ITPR1: variants seen among roughly 807,000 people sequenced by gnomAD.
ITPR1 encodes inositol 1,4,5-trisphosphate-gated calcium channel ITPR1.
In ITPR1, 96 loss-of-function variants were observed where a neutral mutation model predicts 318.4. The ratio of observed to expected loss-of-function variants is 0.30; its 90% CI spans 0.26 to 0.36. The LOEUF (loss-of-function observed/expected upper bound fraction) is 0.36, where lower values mean the gene tolerates loss of function less well. Among genes scored for constraint, ITPR1 ranks in the 10% least tolerant of loss-of-function variants. ITPR1 has a pLI of 1.00. For missense variants in ITPR1, 2,440 were observed against 3,460.2 expected, an observed-to-expected ratio of 0.71 and a Z score of 7.40; for synonymous variants, 1,312 against 1,289.9, an observed-to-expected ratio of 1.02 and a Z score of -0.37.
chr3:4,709,839 C>G (rs564447644), intron 37 of ITPR1, among the ~76,000 whole-genome samples: 1 of 152,286 alleles, frequency 6.6e-6, no homozygotes, highest in South Asian at 2.1e-4. Context: ...ACAACACTGA[C>G]AAGTATTTCT....
chr3:4,554,934 C>G (rs1337439003), intron 4 of ITPR1, among the ~76,000 whole-genome samples: 2 of 152,132 alleles, frequency 1.3e-5, no homozygotes, highest in East Asian at 3.9e-4. Context: ...CAATTATCTT[C>G]TCTAGGAGCA....
At chr3:4,828,479 C>G (rs1216045231) in intron 60 of ITPR1, among the ~76,000 whole-genome samples, 2 of 152,176 alleles carry the variant, frequency 1.3e-5, no homozygotes, top group African/African-American at 4.8e-5. Flanking sequence ...CCTTGTCCAG[C>G]ACGGGTGGCC....
intron 13 of ITPR1, 126 bp from the exon 14 acceptor site, chr3:4,660,862 C>G (rs1018928692): frequency 1.4e-5 from 6 of 428,844 alleles, no homozygotes; most frequent in African/African-American, 1.2e-4. Flanking sequence ...TTCGTGTATA[C>G]TGCCCAGTGT....
At chr3:4,588,869 T>G (rs1330541342) in intron 4 of ITPR1, among the ~76,000 whole-genome samples, 2 of 152,174 alleles carry the variant, frequency 1.3e-5, no homozygotes, top group African/African-American at 4.8e-5. Context: ...CCCTCACACG[T>G]CACATCTTAG....
chr3:4,812,504 A>G (rs995124356), intron 56 of ITPR1, among the ~76,000 whole-genome samples: 3 of 152,142 alleles, frequency 2.0e-5, no homozygotes, highest in African/African-American at 7.2e-5. Context: ...GAGATTTCCA[A>G]TTCTGAGAGT....
At chr3:4,549,321 C>T (rs1254965698) in intron 4 of ITPR1, among the ~76,000 whole-genome samples, 1 of 152,008 alleles carries the variant, frequency 6.6e-6, no homozygotes, top group East Asian at 1.9e-4. Context: ...TTAACCAGGG[C>T]GGTTTAAGCA....
At chr3:4,601,052 G>A (rs2091234471) in intron 4 of ITPR1, among the ~76,000 whole-genome samples, 1 of 152,070 alleles carries the variant, frequency 6.6e-6, no homozygotes, top group African/African-American at 2.4e-5. Flanking sequence ...GTGGTGGTGG[G>A]CTGTGGAGAG....
At chr3:4,498,778 A>G (rs528236486) in intron 2 of ITPR1, among the ~76,000 whole-genome samples, 2 of 152,238 alleles carry the variant, frequency 1.3e-5, no homozygotes, top group Non-Finnish European at 2.9e-5. Flanking sequence ...TTGTAAGAAC[A>G]TAATGATAAT....
intron 52 of ITPR1, among the ~76,000 whole-genome samples, chr3:4,794,493 T>C (rs1559908535): frequency 6.6e-6 from 1 of 152,162 alleles, no homozygotes; most frequent in Non-Finnish European, 1.5e-5. Context: ...GATGACTCAA[T>C]GCCGGGAAAG....
intron 4 of ITPR1, among the ~76,000 whole-genome samples, chr3:4,553,877 G>A (rs1430322239): frequency 2.6e-5 from 4 of 151,728 alleles, no homozygotes; most frequent in Admixed American, 6.6e-5. Flanking sequence ...CTGGGGTTAC[G>A]GGCGTGAGCC....
chr3:4,540,444 T>C lies in ITPR1; in HGVS notation c.163+19350T>C, dbSNP rs534112679. Among the ~76,000 whole-genome samples, 3 of 152,374 alleles carry C rather than the reference T, an allele frequency of 2.0e-5. No homozygotes were observed. In the South Asian group the frequency reaches 6.2e-4, roughly 32 times the overall value. The stretch of plus-strand genomic sequence containing the variant: ...ACTCTCTCTGACCATCTTTGTCTAT[T>C]ATCTATTAATTGGAATGTTTAGTCC... On this transcript the variant is annotated intron_variant, in intron 4 of 61. Coordinates refer to ENST00000649015, the MANE Select transcript of ITPR1 (RefSeq NM_001378452.1).
At chr3:4,673,803 C>T (rs573634274) in intron 21 of ITPR1, among the ~76,000 whole-genome samples, 238 of 152,252 alleles carry the variant, frequency 1.6e-3, no homozygotes, top group African/African-American at 5.4e-3. Context: ...AGGACGGTCT[C>T]GATCTCCTGA....
At chr3:4,795,304 A>C in intron 53 of ITPR1, 117 bp downstream of exon 53, 1 of 878,070 alleles carries the variant, frequency 1.1e-6, no homozygotes, top group Non-Finnish European at 1.6e-6. Context: ...AGTTATCCAC[A>C]TTCAGACAAG....
At chr3:4,732,992 C>A in intron 42 of ITPR1, 96 bp from the exon 43 acceptor site, 3 of 1,239,564 alleles carry the variant, frequency 2.4e-6, no homozygotes, top group Non-Finnish European at 3.5e-6. Flanking sequence ...TGAAACTGGG[C>A]CAATTATAAC....
intron 4 of ITPR1, among the ~76,000 whole-genome samples, chr3:4,607,931 A>C (rs552426910): frequency 1.3e-5 from 2 of 152,118 alleles, no homozygotes; most frequent in Admixed American, 6.5e-5. Context: ...GATTATGTCT[A>C]CACCTTAGCA....
At chr3:4,622,109 C>CTTTTTTT (rs894926425) in intron 4 of ITPR1, among the ~76,000 whole-genome samples, 2 of 105,826 alleles carry the variant, frequency 1.9e-5, no homozygotes, top group Non-Finnish European at 3.6e-5. Flanking sequence ...ACATAGTAGA[C>CTTTTTTT]TTTTTTTTTT....
At chr3:4,833,624 C>G (rs988967846) in intron 60 of ITPR1, among the ~76,000 whole-genome samples, 2 of 152,230 alleles carry the variant, frequency 1.3e-5, no homozygotes, top group African/African-American at 4.8e-5. Context: ...TCACAGAGTT[C>G]CTGCTTCCTT....
chr3:4,830,947 C>A (rs2106531184), intron 60 of ITPR1: 1 of 456,632 alleles, frequency 2.2e-6, no homozygotes, highest in East Asian at 6.9e-5. Context: ...AAAACTCTAC[C>A]TGAGCAGACT....
At chr3:4,556,456 C>A (rs1313642276) in intron 4 of ITPR1, among the ~76,000 whole-genome samples, 5 of 151,834 alleles carry the variant, frequency 3.3e-5, no homozygotes, top group African/African-American at 1.2e-4. Flanking sequence ...TCTCTGTGCT[C>A]CTCCTATTTA....
Sources: gnomAD v4.1 joint callset for allele counts (sites outside exome capture counted in the v4.1 genomes callset) on GRCh38, gnomAD v4.1.1 for gene constraint, MANE v1.5 for transcripts, NCBI Gene and HGNC (gene_info 2026-07-23, HGNC 2026-07-21) for gene names.